KCNMB2: variants seen among roughly 807,000 people sequenced by gnomAD.
KCNMB2 encodes calcium-activated potassium channel subunit beta-2.
KCNMB2 carries 9 observed loss-of-function variants against 24.5 expected under a neutral mutation model. The observed-to-expected ratio is 0.37, with a 90% CI of 0.22 to 0.64. The LOEUF is 0.64. Ranked by LOEUF, KCNMB2 falls within the 30% of genes least tolerant of loss-of-function variation. The probability of loss-of-function intolerance (pLI) is 0.63; values close to 1 mark genes in which losing one functional copy is unlikely to be tolerated. For synonymous variants in KCNMB2, 109 were observed against 104.4 expected, an observed-to-expected ratio of 1.04 and a Z score of -0.27; for missense variants, 226 against 284.3, an observed-to-expected ratio of 0.79 and a Z score of 1.47.
Position 178,817,218 on chromosome 3 carries a change from T to TATATATATATATATATAC in KCNMB2, c.57-8361_57-8360insTATATATACATATATATA, listed in dbSNP as rs147866886. ...GACAAAATCCTTCATGTTAATGACA[T>TATATATATATATATATAC]ATATATATAAATGAAGTGTGACTGT... On this transcript the variant is annotated intron_variant, in intron 2 of 4. Coordinates refer to ENST00000452583, the MANE Select transcript of KCNMB2 (RefSeq NM_181361.3). Among the ~76,000 whole-genome samples the TATATATATATATATATAC allele has an allele frequency of 3.9e-4, 53 of 134,964 alleles. 7 individuals are homozygous for TATATATATATATATATAC. Among genetic ancestry groups the TATATATATATATATATAC allele is most frequent in the African/African-American group, 1.7e-3 (52 of 30,082 alleles). 88.5% of individuals were successfully genotyped at this position (134,964 alleles called of 152,430 possible). A position where few individuals can be genotyped will look rare whatever the true frequency, so the allele number is the denominator to read the frequency against.
At chr3:178,605,996 G>A (rs1448060840) in intron 1 of KCNMB2, among the ~76,000 whole-genome samples, 1 of 152,158 alleles carries the variant, frequency 6.6e-6, no homozygotes, top group Non-Finnish European at 1.5e-5. Flanking sequence ...GTGGCCTAGT[G>A]ACCATTTGAT....
chr3:178,660,984 C>T (rs376871688), intron 1 of KCNMB2, among the ~76,000 whole-genome samples: 2 of 98,948 alleles, frequency 2.0e-5, no homozygotes, highest in African/African-American at 1.1e-4. Flanking sequence ...TATACACATA[C>T]ATATATATAT....
intron 1 of KCNMB2, among the ~76,000 whole-genome samples, chr3:178,717,916 T>A (rs1722672122): frequency 6.6e-6 from 1 of 152,160 alleles, no homozygotes; most frequent in Admixed American, 6.6e-5. Flanking sequence ...ATCTTCACCT[T>A]TGGTGACTCC....
At chr3:178,676,160 A>C (rs1167351585) in intron 1 of KCNMB2, among the ~76,000 whole-genome samples, 1 of 152,158 alleles carries the variant, frequency 6.6e-6, no homozygotes, top group Non-Finnish European at 1.5e-5. Flanking sequence ...TGGAAAAGGG[A>C]GTAGGCTGGC....
At chr3:178,550,804 G>A (rs935492051) in intron 1 of KCNMB2, among the ~76,000 whole-genome samples, 1 of 152,110 alleles carries the variant, frequency 6.6e-6, no homozygotes, top group African/African-American at 2.4e-5. Flanking sequence ...CTGAATACCG[G>A]CCACACAAGG....
At position 178,730,878 on chromosome 3, in the gene KCNMB2, T is replaced by C. The variant is rs144899649; in HGVS notation, c.-67-76465T>C. Among the ~76,000 whole-genome samples, 646 of 152,258 alleles carry C rather than the reference T, an allele frequency of 4.2e-3. 1 individual carries two copies. The highest frequency in any genetic ancestry group is 7.8e-3 in the Non-Finnish European group (530 of 68,014). On this transcript the variant is annotated intron_variant, in intron 1 of 4. Coordinates refer to ENST00000452583, the MANE Select transcript of KCNMB2 (RefSeq NM_181361.3). The stretch of plus-strand genomic sequence containing the variant: ...CAATGCACCATCTGCAGGGAGGCTG[T>C]CCCTGACTACACAATCTAAAACAGT...
chr3:178,809,646 A>G (rs962938334), intron 2 of KCNMB2, among the ~76,000 whole-genome samples: 1 of 152,250 alleles, frequency 6.6e-6, no homozygotes, highest in Non-Finnish European at 1.5e-5. Flanking sequence ...ACAAGGGGAA[A>G]AGTATGTTAA....
intron 1 of KCNMB2, among the ~76,000 whole-genome samples, chr3:178,711,492 C>G (rs1372934703): frequency 6.6e-6 from 1 of 152,082 alleles, no homozygotes; most frequent in Non-Finnish European, 1.5e-5. Context: ...AGATTTCTAC[C>G]TATTCTTTAG....
intron 1 of KCNMB2, among the ~76,000 whole-genome samples, chr3:178,707,462 A>G (rs563525820): frequency 6.6e-6 from 1 of 152,250 alleles, no homozygotes; most frequent in East Asian, 1.9e-4. Flanking sequence ...GATAACAAGG[A>G]TAAGAACCTC....
chr3:178,823,693 G>A (rs904322199), intron 2 of KCNMB2, among the ~76,000 whole-genome samples: 1 of 152,062 alleles, frequency 6.6e-6, no homozygotes, highest in Middle Eastern at 3.2e-3. Flanking sequence ...ACAGATACTG[G>A]CCATAAACAC....
chr3:178,840,983 A>G (rs572148637), intron 4 of KCNMB2, among the ~76,000 whole-genome samples: 1 of 152,226 alleles, frequency 6.6e-6, no homozygotes, highest in South Asian at 2.1e-4. Context: ...CCAAATTTTT[A>G]TGCTTTTAAA....
At chr3:178,579,945 G>A (rs576679290) in intron 1 of KCNMB2, among the ~76,000 whole-genome samples, 4 of 152,152 alleles carry the variant, frequency 2.6e-5, no homozygotes, top group Non-Finnish European at 5.9e-5. Context: ...AGAGGTAAAA[G>A]AGAATTTGGT....
intron 1 of KCNMB2, among the ~76,000 whole-genome samples, chr3:178,772,859 A>G (rs1325843336): frequency 6.6e-6 from 1 of 152,162 alleles, no homozygotes; most frequent in African/African-American, 2.4e-5. Flanking sequence ...TTAGTCCCCA[A>G]TTATCACATC....
At chr3:178,609,906 G>A (rs1382206652) in intron 1 of KCNMB2, among the ~76,000 whole-genome samples, 1 of 152,156 alleles carries the variant, frequency 6.6e-6, no homozygotes, top group Non-Finnish European at 1.5e-5. Flanking sequence ...CCAAAGTGCT[G>A]GGATTACAGG....
At chr3:178,830,559 A>T (rs1350857141) in intron 4 of KCNMB2, among the ~76,000 whole-genome samples, 2 of 152,194 alleles carry the variant, frequency 1.3e-5, no homozygotes, top group Non-Finnish European at 2.9e-5. Context: ...GTATATGCAA[A>T]TATACATTCT....
At chr3:178,563,469 G>A (rs1716397663) in intron 1 of KCNMB2, among the ~76,000 whole-genome samples, 1 of 151,960 alleles carries the variant, frequency 6.6e-6, no homozygotes, top group Admixed American at 6.6e-5. Flanking sequence ...AGACTACCAG[G>A]GTCCAGGCCT....
intron 1 of KCNMB2, among the ~76,000 whole-genome samples, chr3:178,559,676 G>A (rs1716247220): frequency 6.9e-6 from 1 of 145,360 alleles, no homozygotes; most frequent in African/African-American, 2.6e-5. Flanking sequence ...TTTTTCCTCT[G>A]CATACTAGAT....
intron 1 of KCNMB2, among the ~76,000 whole-genome samples, chr3:178,537,568 T>C (rs1040190626): frequency 2.0e-5 from 3 of 152,242 alleles, no homozygotes; most frequent in East Asian, 1.9e-4. Flanking sequence ...GAGGAACTTA[T>C]TATACTGCTT....
chr3:178,807,613 C>A (rs754763313), intron 2 of KCNMB2, 148 bp downstream of exon 2: 1 of 600,848 alleles, frequency 1.7e-6, no homozygotes, highest in Non-Finnish European at 2.9e-6. Flanking sequence ...GTTTCAGACA[C>A]TTTGGCCTTC....
Sources: allele counts gnomAD v4.1 joint callset (sites outside exome capture counted in the v4.1 genomes callset), GRCh38; gene constraint gnomAD v4.1.1; transcripts MANE v1.5; gene names NCBI Gene and HGNC (gene_info 2026-07-23, HGNC 2026-07-21).